Variants in MTAP observed in about 807,000 individuals in gnomAD.
MTAP encodes the protein methylthioadenosine phosphorylase, also known as S-methyl-5'-thioadenosine phosphorylase.
A neutral mutation model predicts 33.6 loss-of-function variants in MTAP; 33 were observed. That is an observed-to-expected ratio of 0.98 (90% CI 0.74 to 1.31). The LOEUF is 1.31. Among genes scored for constraint, MTAP ranks in the 40% most tolerant of loss-of-function variants. The pLI is 0.00. For missense variants in MTAP, 367 were observed against 360.0 expected, an observed-to-expected ratio of 1.02 and a Z score of -0.16; for synonymous variants, 148 against 125.7, an observed-to-expected ratio of 1.18 and a Z score of -1.19.
chr9:21,929,559 AG>A, intron 1 of MTAP: 1 of 355,638 alleles, frequency 2.8e-6, no homozygotes. Flanking sequence ...TCCAAAACAC[AG>A]GATCCCCTTA....
intron 5 of MTAP, among the ~76,000 whole-genome samples, chr9:21,838,449 CTG>C (rs1825162806): frequency 1.3e-5 from 2 of 152,178 alleles, no homozygotes; most frequent in Non-Finnish European, 1.5e-5. Context: ...CCTTATAAGA[CTG>C]TGTGAGGGAT....
intron 7 of MTAP, chr9:21,861,291 C>T (rs1041690292): frequency 3.2e-4 from 48 of 151,986 alleles, no homozygotes; most frequent in African/African-American, 1.1e-3. Flanking sequence ...TAGCTTTCAT[C>T]GGATTTTCAA....
intron 7 of MTAP, 200 bp from the exon 8 acceptor site, chr9:21,861,776 G>T: frequency 1.7e-6 from 1 of 593,710 alleles, no homozygotes; most frequent in South Asian, 2.1e-5. Context: ...GGAAAGGGAG[G>T]TGAGGAACCA....
intron 4 of MTAP, among the ~76,000 whole-genome samples, chr9:21,830,573 G>A (rs893361235): frequency 1.1e-4 from 16 of 152,160 alleles, no homozygotes; most frequent in African/African-American, 3.6e-4. Flanking sequence ...CCTTTAGTCT[G>A]TCCTAAAAGA....
At chr9:21,858,393 G>C (rs7849874) in intron 6 of MTAP, among the ~76,000 whole-genome samples, 14,046 of 152,166 alleles carry the variant, frequency 0.092, 2,040 homozygotes, top group African/African-American at 0.31. Context: ...GGTTTAATTG[G>C]CTTATGGTTC....
chr9:21,927,963 A>C (rs1483130611), intron 1 of MTAP, among the ~76,000 whole-genome samples: 1 of 152,204 alleles, frequency 6.6e-6, no homozygotes, highest in Non-Finnish European at 1.5e-5. Context: ...AAAGAATACC[A>C]CAGGGGTTCT....
chr9:21,852,751 G>A (rs1412398193), intron 5 of MTAP, among the ~76,000 whole-genome samples: 2 of 151,306 alleles, frequency 1.3e-5, no homozygotes, highest in Admixed American at 1.3e-4. Flanking sequence ...CCTTGGGAAG[G>A]GACAGTGGTT....
At chr9:21,805,286 G>C (rs1385264034) in intron 1 of MTAP, among the ~76,000 whole-genome samples, 1 of 152,204 alleles carries the variant, frequency 6.6e-6, no homozygotes, top group Non-Finnish European at 1.5e-5. Context: ...CTGAGTTTTG[G>C]ATTGGCAGTA....
chr9:21,929,568 T>G (rs1818922282), intron 1 of MTAP: 1 of 365,760 alleles, frequency 2.7e-6, no homozygotes, highest in Non-Finnish European at 5.7e-6. Flanking sequence ...CAGGATCCCC[T>G]TACTCCACCA....
intron 4 of MTAP, among the ~76,000 whole-genome samples, chr9:21,819,318 G>A (rs1385991919): frequency 1.3e-5 from 2 of 152,100 alleles, no homozygotes; most frequent in East Asian, 3.9e-4. Flanking sequence ...AGGCCCTGGT[G>A]TGTGATGTTC....
chr9:21,823,196 G>A (rs1371492858), intron 4 of MTAP, among the ~76,000 whole-genome samples: 9 of 152,174 alleles, frequency 5.9e-5, no homozygotes, highest in Middle Eastern at 3.2e-3. Context: ...TATTTTGGTC[G>A]TTAGTTGATG....
At chr9:21,814,318 A>T (rs1197917741) in intron 1 of MTAP, among the ~76,000 whole-genome samples, 3 of 152,148 alleles carry the variant, frequency 2.0e-5, no homozygotes, top group African/African-American at 7.2e-5. Context: ...TTTAATGCAG[A>T]TGTTCACTGA....
downstream of MTAP, chr9:21,932,426 T>C (rs1203321104): frequency 1.3e-5 from 2 of 152,236 alleles, no homozygotes; most frequent in African/African-American, 4.8e-5. Flanking sequence ...GGTCACAAAA[T>C]GTGCAACTTC....
At position 21,839,925 on chromosome 9, in the gene MTAP, T is replaced by C. The variant is rs575590610; in HGVS notation, c.450+1915T>C. Among the ~76,000 whole-genome samples, 6 of 152,282 alleles carry C rather than the reference T, an allele frequency of 3.9e-5. No homozygotes were observed. The South Asian group carries it at 1.0e-3, about 26-fold the overall frequency. The stretch of plus-strand genomic sequence containing the variant: ...AGCTGGTAACAGGAAACAGGGAAGA[T>C]GGCAGATAAGAGACAGGGCTGGCCA... On this transcript the variant is annotated intron_variant, in intron 5 of 7. Transcript: ENST00000644715.
chr9:21,815,882 G>A (rs1185580530), intron 2 of MTAP, among the ~76,000 whole-genome samples: 3 of 152,204 alleles, frequency 2.0e-5, no homozygotes, highest in African/African-American at 7.2e-5. Flanking sequence ...CTAATTAGGG[G>A]ACAGGCTGAT....
chr9:21,867,897 A>G (rs938466508), downstream of MTAP, among the ~76,000 whole-genome samples: 2 of 152,214 alleles, frequency 1.3e-5, no homozygotes, highest in Non-Finnish European at 2.9e-5. Flanking sequence ...GTTTTAAATA[A>G]ACTAAGGTAC....
intron 1 of MTAP, among the ~76,000 whole-genome samples, chr9:21,920,946 T>C (rs1404567598): frequency 6.6e-6 from 1 of 152,184 alleles, no homozygotes; most frequent in Non-Finnish European, 1.5e-5. Context: ...TTTGGAAGTA[T>C]TACCACTTCT....
chr9:21,936,315 A>C (rs1442504733), exon 8 of MTAP: 1 of 152,250 alleles, frequency 6.6e-6, no homozygotes, highest in Non-Finnish European at 1.5e-5. Flanking sequence ...TGATGTCTTC[A>C]TCTCCTGGAA....
At chr9:21,910,255 C>A (rs1346609157) in intron 1 of MTAP, among the ~76,000 whole-genome samples, 1 of 151,410 alleles carries the variant, frequency 6.6e-6, no homozygotes, top group East Asian at 1.9e-4. Context: ...CCAAAACACA[C>A]AAAGATTCAC....
Sources: allele counts gnomAD v4.1 joint callset (sites outside exome capture counted in the v4.1 genomes callset), GRCh38; gene constraint gnomAD v4.1.1; transcripts MANE v1.5; gene names NCBI Gene and HGNC (gene_info 2026-07-23, HGNC 2026-07-21).